The following TOMM70 variants were observed in gnomAD, a reference collection of about 807,000 sequenced individuals.
TOMM70 encodes mitochondrial import receptor subunit TOM70.
In TOMM70, 13 loss-of-function variants were observed where a neutral mutation model predicts 73.6. The ratio of observed to expected loss-of-function variants is 0.18; its 90% CI spans 0.11 to 0.28. The LOEUF (loss-of-function observed/expected upper bound fraction) is 0.28. TOMM70 is among the 10% of genes least tolerant of loss of function. TOMM70 has a pLI of 1.00. For missense variants in TOMM70, 609 were observed against 747.5 expected (o/e 0.81, Z 2.16); for synonymous variants, 257 against 271.2 (o/e 0.95, Z 0.51).
chr3:100,386,437 C>A, intron 2 of TOMM70, 93 bp from the exon 3 acceptor site: 3 of 1,298,510 alleles, frequency 2.3e-6, no homozygotes, highest in South Asian at 1.8e-5. Flanking sequence ...ATTAAAAGTC[C>A]TAGAATAAAA....
At chr3:100,379,894 C>T (rs187714524) in intron 5 of TOMM70, among the ~76,000 whole-genome samples, 2 of 152,222 alleles carry the variant, frequency 1.3e-5, no homozygotes, top group Non-Finnish European at 2.9e-5. Flanking sequence ...GTTGGGATTA[C>T]AGGCATGAGC....
chr3:100,370,183 T>G (rs1424961805), intron 9 of TOMM70, among the ~76,000 whole-genome samples: 6 of 152,232 alleles, frequency 3.9e-5, no homozygotes, highest in South Asian at 4.1e-4. Context: ...AATATTTTTA[T>G]AGCTTCCATC....
intron 1 of TOMM70, among the ~76,000 whole-genome samples, chr3:100,390,255 G>A (rs920140338): frequency 2.6e-5 from 4 of 152,176 alleles, no homozygotes; most frequent in Non-Finnish European, 5.9e-5. Context: ...GGACCATACT[G>A]TAGACTAGTG....
intron 1 of TOMM70, among the ~76,000 whole-genome samples, chr3:100,392,633 G>T (rs1196728542): frequency 6.6e-6 from 1 of 151,742 alleles, no homozygotes; most frequent in Non-Finnish European, 1.5e-5. Context: ...GGCCAGGCTT[G>T]TCTTGAACTC....
At chr3:100,384,646 G>T in intron 3 of TOMM70, 58 bp from the exon 4 acceptor site, 1 of 1,224,608 alleles carries the variant, frequency 8.2e-7, no homozygotes, top group Non-Finnish European at 1.1e-6. Flanking sequence ...ATGGTCAGCA[G>T]CATCAAATGG....
chr3:100,376,564 C>T (rs1295289041), intron 6 of TOMM70, among the ~76,000 whole-genome samples: 1 of 151,124 alleles, frequency 6.6e-6, no homozygotes, highest in Non-Finnish European at 1.5e-5. Context: ...CAGCCAAGCA[C>T]AGAAGTCTGA....
In TOMM70 at chr3:100,383,373, A is replaced by G. The variant is rs564271047; in HGVS notation, c.735+1106T>C. Among the ~76,000 whole-genome samples the G allele has an allele frequency of 2.0e-4, 30 of 152,222 alleles. No homozygotes were observed. In the South Asian group the frequency reaches 2.9e-3, roughly 15 times the overall value. ...CCTGCCTCTACTAAAGTACAAAAAA[A>G]TTAGCCAGGCATAGTGGTGCATGCC... On this transcript the variant is annotated intron_variant, in intron 4 of 11. Transcript: ENST00000284320.
In TOMM70 at chr3:100,369,100, A is replaced by G. The variant is rs1290166283; in HGVS notation, c.1488T>C (p.Asp496=). The G allele has an allele frequency of 6.2e-7, 1 of 1,613,574 alleles. No homozygotes were observed. The highest frequency in any genetic ancestry group is 8.5e-7 in the Non-Finnish European group (1 of 1,179,744). ...AATCAATACATTTATCATACATTTC[A>G]TCAGCTTTACCAAACTGTTGTTGAT... ...LTDQQQFGKA[D]EMYDKCIDLE... is the part of the protein sequence containing the mutation. The change falls in exon 10 of 12, where the codon GAT becomes GAC. Residue 496 remains aspartate, a synonymous_variant. Transcript: ENST00000284320.
At chr3:100,377,629 T>TA (rs1218532369) in intron 6 of TOMM70, 76 bp downstream of exon 6, 2 of 1,460,910 alleles carry the variant, frequency 1.4e-6, no homozygotes, top group Non-Finnish European at 1.9e-6. Context: ...TGAAATGCTT[T>TA]AAAAAATCTG....
In TOMM70 at chr3:100,372,657, C is replaced by A. The variant is rs1326871781; in HGVS notation, c.1401G>T (p.Glu467Asp). Residue 467 changes from glutamate to aspartate, a missense_variant, in exon 9 of 12, where the codon GAG becomes GAT. By Grantham distance (45) the Glu-to-Asp change is conservative. Around this residue, in one of 2 missense-constraint regions of TOMM70, gnomAD observed 432 missense variants for 584.1 expected, o/e 0.74. Coordinates refer to ENST00000284320, the MANE Select transcript of TOMM70 (RefSeq NM_014820.5). ...QIQAAMKGFE[E>D]VIKKFPRCAE... ...CACACCTTGGAAATTTCTTTATGAC[C>A]TCTTCAAAACCTTTCATAGCTGCTT... The A allele has an allele frequency of 2.5e-6, 4 of 1,614,010 alleles. No homozygotes were observed. Among genetic ancestry groups the A allele is most frequent in the Non-Finnish European group, 3.4e-6 (4 of 1,179,950 alleles).
chr3:100,368,963 G>C, intron 10 of TOMM70, 75 bp downstream of exon 10: 1 of 1,077,594 alleles, frequency 9.3e-7, no homozygotes. Context: ...CCCTTCCTCA[G>C]TGGCCAAAAT....
At chr3:100,388,264 A>G (rs1397097747) in intron 1 of TOMM70, among the ~76,000 whole-genome samples, 1 of 152,186 alleles carries the variant, frequency 6.6e-6, no homozygotes, top group Non-Finnish European at 1.5e-5. Context: ...CAAAACTAGG[A>G]ATCCCTTATG....
At chr3:100,370,817 T>C (rs1471832166) in intron 9 of TOMM70, among the ~76,000 whole-genome samples, 1 of 152,116 alleles carries the variant, frequency 6.6e-6, no homozygotes, top group Non-Finnish European at 1.5e-5. Context: ...ACCAAACCTA[T>C]CTTGAAGGCA....
At chr3:100,378,302 T>G (rs930500162) in intron 5 of TOMM70, among the ~76,000 whole-genome samples, 2 of 152,058 alleles carry the variant, frequency 1.3e-5, no homozygotes, top group Non-Finnish European at 1.5e-5. Context: ...CATGCCACAT[T>G]TGGCACACCT....
chr3:100,381,076 A>G (rs920644149), intron 5 of TOMM70, among the ~76,000 whole-genome samples: 1 of 152,194 alleles, frequency 6.6e-6, no homozygotes, highest in African/African-American at 2.4e-5. Flanking sequence ...ATACGACATT[A>G]TATCATTAGG....
chr3:100,386,451 T>C, intron 2 of TOMM70, 107 bp from the exon 3 acceptor site: 1 of 1,168,746 alleles, frequency 8.6e-7, no homozygotes, highest in South Asian at 2.0e-5. Flanking sequence ...AATAAAAAAG[T>C]ATTCCTAATA....
At chr3:100,378,580 T>G (rs1706592392) in intron 5 of TOMM70, among the ~76,000 whole-genome samples, 1 of 152,194 alleles carries the variant, frequency 6.6e-6, no homozygotes, top group African/African-American at 2.4e-5. Context: ...CTTATTCACC[T>G]TCATATCTGA....
At chr3:100,365,852 A>G in intron 11 of TOMM70, 135 bp from the exon 12 acceptor site, 1 of 998,168 alleles carries the variant, frequency 1.0e-6, no homozygotes, top group Non-Finnish European at 1.5e-6. Flanking sequence ...AAGTGATGCT[A>G]CATGAAGTCT....
At chr3:100,375,454 G>T (rs277634) in intron 6 of TOMM70, among the ~76,000 whole-genome samples, 22,414 of 152,050 alleles carry the variant, frequency 0.15, 3,048 homozygotes, top group East Asian at 0.49. Flanking sequence ...CTATGGATTT[G>T]TATATTCTGG....
Sources: gnomAD v4.1 joint callset for allele counts (sites outside exome capture counted in the v4.1 genomes callset) on GRCh38, gnomAD v4.1.1 for gene constraint, gnomAD v4.1.1 regional missense constraint, MANE v1.5 for transcripts, NCBI Gene and HGNC (gene_info 2026-07-23, HGNC 2026-07-21) for gene names.